Variants in RNF17 observed in about 807,000 individuals in gnomAD.
RNF17 encodes spermatogenesis associated 23.
Under a neutral mutation model 200.5 loss-of-function variants are expected in RNF17, and 31 were observed. That is an observed-to-expected ratio of 0.15 (90% confidence interval 0.12 to 0.21). The LOEUF is 0.21. Among genes scored for constraint, RNF17 ranks in the 10% least tolerant of loss-of-function variants. The probability of loss-of-function intolerance (pLI) is 1.00; values close to 1 mark genes in which losing one functional copy is unlikely to be tolerated. For synonymous variants in RNF17, 606 were observed against 637.8 expected (o/e 0.95, Z 0.75); for missense variants, 1,628 against 1,905.1 (o/e 0.85, Z 2.71).
chr13:24,849,924 A>G (rs892168870), intron 22 of RNF17, among the ~76,000 whole-genome samples: 2 of 152,184 alleles, frequency 1.3e-5, no homozygotes, highest in African/African-American at 2.4e-5. Flanking sequence ...AATGGCTTCT[A>G]TGTGACAGGG....
intron 32 of RNF17, among the ~76,000 whole-genome samples, chr13:24,872,119 C>A (rs114722550): frequency 0.017 from 2,588 of 151,774 alleles, 74 homozygotes; most frequent in African/African-American, 0.059. Flanking sequence ...CATCACCTCG[C>A]CTGTCTAATT....
At chr13:24,867,632 G>GTAA (rs562556588) in intron 30 of RNF17, among the ~76,000 whole-genome samples, 59 of 151,908 alleles carry the variant, frequency 3.9e-4, no homozygotes, top group African/African-American at 1.4e-3. Flanking sequence ...TGAATATGAT[G>GTAA]GTTTTACTTA....
intron 27 of RNF17, among the ~76,000 whole-genome samples, chr13:24,862,283 T>C (rs1893176955): frequency 6.6e-6 from 1 of 152,238 alleles, no homozygotes; most frequent in African/African-American, 2.4e-5. Flanking sequence ...GATGGCTGAC[T>C]CACATTGCTT....
chr13:24,817,050 G>T (rs1026572829), intron 15 of RNF17, among the ~76,000 whole-genome samples: 34 of 152,170 alleles, frequency 2.2e-4, no homozygotes, highest in African/African-American at 6.8e-4. Flanking sequence ...GAGGATATTT[G>T]CATCAGTATT....
rs949166077 is a variant in RNF17 at position 24,836,574 on chromosome 13, T to G, written c.2482+4596T>G. ...TCTTCAGCCTCCTCAAACAAAACAA[T>G]TTATCAACCAAGAATTTTCTGTCCA... is the stretch of plus-strand genomic sequence containing the variant. On this transcript the variant is annotated intron_variant, in intron 18 of 35. Coordinates refer to ENST00000255324, the MANE Select transcript of RNF17 (RefSeq NM_031277.3). Among the ~76,000 whole-genome samples the G allele has an allele frequency of 2.6e-5, 4 of 152,254 alleles. No homozygotes were observed. In the East Asian group the frequency reaches 7.7e-4, roughly 29 times the overall value.
chr13:24,767,987 C>G (rs982529716), intron 2 of RNF17, among the ~76,000 whole-genome samples: 4 of 151,904 alleles, frequency 2.6e-5, no homozygotes, highest in Non-Finnish European at 5.9e-5. Flanking sequence ...AAACCCTAGC[C>G]CCTGTTTTAC....
chr13:24,769,703 A>G (rs1158721233), intron 2 of RNF17, among the ~76,000 whole-genome samples: 1 of 152,226 alleles, frequency 6.6e-6, no homozygotes, highest in Non-Finnish European at 1.5e-5. Flanking sequence ...CTAAAAAGTA[A>G]GATTTAGATT....
intron 16 of RNF17, among the ~76,000 whole-genome samples, chr13:24,829,843 G>GT (rs1555278299): frequency 2.0e-5 from 3 of 152,106 alleles, no homozygotes; most frequent in Non-Finnish European, 2.9e-5. Flanking sequence ...CTCTCTACTT[G>GT]TTTTTTTGCA....
Position 24,866,160 on chromosome 13 carries a change from A to G in RNF17, c.4118A>G (p.His1373Arg), listed in dbSNP as rs749798811. The change falls in exon 30 of 36, where the codon CAT (histidine) becomes CGT (arginine). Residue 1373 changes from histidine to arginine, a missense_variant. This residue lies in a region of RNF17 where 609 missense variants were observed against 681.9 expected (regional missense o/e 0.89). Coordinates refer to ENST00000255324, the MANE Select transcript of RNF17 (RefSeq NM_031277.3). ...TTATTTCAGAAACCAAGATCAGATC[A>G]TGATAAAAAGTATGAAGAGGAACAA... ...EMLKEKPRSD[H>R]DKKYEEEQWE... The G allele has an allele frequency of 2.0e-6, 3 of 1,535,670 alleles. No homozygotes were observed. The highest frequency in any genetic ancestry group is 3.4e-5 in the Admixed American group (2 of 58,700).
intron 32 of RNF17, 54 bp from the exon 33 acceptor site, chr13:24,874,060 T>TA: frequency 1.9e-6 from 3 of 1,586,672 alleles, no homozygotes; most frequent in Admixed American, 3.6e-5. Flanking sequence ...TCCTTTGGAT[T>TA]AAAAAAATTT....
rs771470658 is a variant in RNF17 at position 24,840,899 on chromosome 13, A to T, written c.2483-1142A>T. On this transcript the variant is annotated intron_variant, in intron 18 of 35. Transcript: ENST00000255324. ...ATAACTTAATGGAAAAAAATTTTTT[A>T]AAAACTTTTAAATGTATACTGTTAT... Among the ~76,000 whole-genome samples, 5 of 152,348 alleles carry T rather than the reference A, an allele frequency of 3.3e-5. No homozygotes were observed. In the South Asian group the frequency reaches 6.2e-4, roughly 19 times the overall value.
chr13:24,761,375 A>G (rs1878727991), upstream of RNF17, among the ~76,000 whole-genome samples: 1 of 152,258 alleles, frequency 6.6e-6, no homozygotes, highest in Non-Finnish European at 1.5e-5. Flanking sequence ...TTTCAGGTGC[A>G]CAGGGCTAAG....
At chr13:24,851,231 T>A (rs1449408011) in intron 23 of RNF17, among the ~76,000 whole-genome samples, 1 of 152,226 alleles carries the variant, frequency 6.6e-6, no homozygotes, top group Non-Finnish European at 1.5e-5. Context: ...CGACCTCAAG[T>A]GATCCGCCCA....
chr13:24,859,789 G>A (rs1892910368), intron 26 of RNF17, among the ~76,000 whole-genome samples: 1 of 151,950 alleles, frequency 6.6e-6, no homozygotes, highest in Non-Finnish European at 1.5e-5. Flanking sequence ...TTTATTTTCT[G>A]TTTGATGATG....
At chr13:24,808,258 T>G (rs1009955640) in intron 15 of RNF17, among the ~76,000 whole-genome samples, 3 of 152,066 alleles carry the variant, frequency 2.0e-5, no homozygotes, top group African/African-American at 7.2e-5. Flanking sequence ...TTTCAGGATA[T>G]TGATTCTTCC....
intron 25 of RNF17, among the ~76,000 whole-genome samples, chr13:24,857,088 C>T (rs1892594664): frequency 6.6e-6 from 1 of 152,056 alleles, no homozygotes; most frequent in African/African-American, 2.4e-5. Flanking sequence ...GGGAGGTAGA[C>T]ATAGATCAGA....
At chr13:24,858,173 C>T (rs1250590141) in intron 25 of RNF17, among the ~76,000 whole-genome samples, 2 of 152,124 alleles carry the variant, frequency 1.3e-5, no homozygotes, top group East Asian at 3.9e-4. Flanking sequence ...AAATTTTTCT[C>T]TCATTTGTTG....
chr13:24,803,771 A>G (rs1440531252), intron 14 of RNF17: 1 of 153,960 alleles, frequency 6.5e-6, no homozygotes, highest in Non-Finnish European at 1.4e-5. Context: ...AACACAAAAA[A>G]TAGAAGCAGC....
At chr13:24,782,056 G>C (rs1882453931) in intron 6 of RNF17, 112 bp downstream of exon 6, 2 of 720,540 alleles carry the variant, frequency 2.8e-6, no homozygotes, top group Admixed American at 5.3e-5. Context: ...AGTTTGTAAT[G>C]GGTAACTTTC....
Sources: gnomAD v4.1 joint callset for allele counts (sites outside exome capture counted in the v4.1 genomes callset) on GRCh38, gnomAD v4.1.1 for gene constraint, gnomAD v4.1.1 regional missense constraint, MANE v1.5 for transcripts, NCBI Gene and HGNC (gene_info 2026-07-23, HGNC 2026-07-21) for gene names.